The following AFG1L variants were observed in gnomAD, a reference collection of about 807,000 sequenced individuals.
The protein encoded by AFG1L is AFG1-like ATPase.
In AFG1L, 53 loss-of-function variants were observed where a neutral mutation model predicts 62.2. The ratio of observed to expected loss-of-function variants is 0.85; its 90% CI spans 0.68 to 1.07. AFG1L has a LOEUF of 1.07. Ranked by LOEUF, AFG1L falls within the 50% of genes least tolerant of loss-of-function variation. AFG1L has a pLI of 0.00. For synonymous variants in AFG1L, 228 were observed against 210.3 expected (o/e 1.08, Z -0.73); for missense variants, 555 against 590.5 (o/e 0.94, Z 0.62).
chr6:108,513,067 A>G (rs1001152628), intron 11 of AFG1L, among the ~76,000 whole-genome samples: 2 of 152,232 alleles, frequency 1.3e-5, no homozygotes, highest in Non-Finnish European at 2.9e-5. Context: ...ATTTTTAAAG[A>G]TAGCTATGAA....
At chr6:108,446,093 C>CACACAG (rs1771781934) in intron 7 of AFG1L, among the ~76,000 whole-genome samples, 1 of 114,638 alleles carries the variant, frequency 8.7e-6, no homozygotes, top group African/African-American at 3.1e-5. Context: ...CACACACACA[C>CACACAG]ACACACACAC....
intron 10 of AFG1L, among the ~76,000 whole-genome samples, chr6:108,504,069 C>G (rs1358454717): frequency 2.0e-5 from 3 of 152,358 alleles, no homozygotes; most frequent in Non-Finnish European, 2.9e-5. Context: ...CTATCTAGAC[C>G]ACTCAGACTT....
intron 10 of AFG1L, among the ~76,000 whole-genome samples, chr6:108,490,524 T>A (rs375423425): frequency 2.0e-5 from 3 of 152,264 alleles, no homozygotes; most frequent in African/African-American, 7.2e-5. Flanking sequence ...TGAAAAACTG[T>A]AAGTTGTAAA....
At chr6:108,483,891 T>C (rs1435387176) in intron 10 of AFG1L, among the ~76,000 whole-genome samples, 2 of 152,238 alleles carry the variant, frequency 1.3e-5, no homozygotes, top group Non-Finnish European at 2.9e-5. Flanking sequence ...ATCCTTAGAC[T>C]TATAAGTATA....
intron 2 of AFG1L, among the ~76,000 whole-genome samples, chr6:108,341,230 G>C (rs1173005812): frequency 6.6e-6 from 1 of 152,054 alleles, no homozygotes; most frequent in Non-Finnish European, 1.5e-5. Context: ...GGAATTTATT[G>C]AAGTTTTCTT....
At chr6:108,504,002 G>A (rs1476933720) in intron 10 of AFG1L, among the ~76,000 whole-genome samples, 3 of 152,240 alleles carry the variant, frequency 2.0e-5, no homozygotes, top group African/African-American at 7.2e-5. Context: ...AAGAGAGTCA[G>A]GGCCTTGCTC....
At chr6:108,488,519 C>G (rs916084271) in intron 10 of AFG1L, among the ~76,000 whole-genome samples, 3 of 152,074 alleles carry the variant, frequency 2.0e-5, no homozygotes, top group Non-Finnish European at 4.4e-5. Flanking sequence ...GCATCTTTAT[C>G]ATCTCTTCCT....
At chr6:108,428,309 C>T (rs1042598487) in intron 7 of AFG1L, among the ~76,000 whole-genome samples, 2 of 152,158 alleles carry the variant, frequency 1.3e-5, no homozygotes, top group African/African-American at 4.8e-5. Context: ...AGTAGCATTC[C>T]ATGGTGTATA....
rs1015884929 is a variant in AFG1L at position 108,429,223 on chromosome 6, A to T, written c.808-17991A>T. Among the ~76,000 whole-genome samples, 4 of 152,202 alleles carry T rather than the reference A, an allele frequency of 2.6e-5. No homozygotes were observed. The East Asian group carries it at 7.7e-4, about 29-fold the overall frequency. ...GTATTAGTCTGTTCTCATGCTGCTAATAAAGACATACCCGAGACTAGGTAA... is the reference window on the plus strand; with the variant it reads ...GTATTAGTCTGTTCTCATGCTGCTATTAAAGACATACCCGAGACTAGGTAA... On this transcript the variant is annotated intron_variant, in intron 7 of 12. Coordinates refer to ENST00000368977, the MANE Select transcript of AFG1L (RefSeq NM_145315.5).
At chr6:108,360,774 A>G (rs953803445) in intron 5 of AFG1L, among the ~76,000 whole-genome samples, 10 of 152,186 alleles carry the variant, frequency 6.6e-5, no homozygotes, top group Non-Finnish European at 1.5e-4. Flanking sequence ...AGTTTCTCCA[A>G]TACACCAAAA....
Position 108,323,862 on chromosome 6 carries a change from T to A in AFG1L, c.177T>A (p.Thr59=), listed in dbSNP as rs569435290. 2.4e-5 allele frequency: 38 copies of A among 1,614,066 alleles called. 1 individual carries two copies. The South Asian group carries it at 3.8e-4, about 16-fold the overall frequency. The change falls in exon 2 of 13, where the codon ACT becomes ACA. Residue 59 remains threonine, a synonymous_variant. Transcript: ENST00000368977. ...TVQTSESMTP[T]ATSETYLKAL... is the part of the protein sequence containing the mutation. ...AGACATCCGAGAGCATGACCCCAAC[T>A]GCCACTTCAGAGACTTATTTGAAAG...
At chr6:108,333,835 C>T (rs1385335164) in intron 2 of AFG1L, among the ~76,000 whole-genome samples, 1 of 152,056 alleles carries the variant, frequency 6.6e-6, no homozygotes, top group Non-Finnish European at 1.5e-5. Context: ...ATACTTAATG[C>T]TTTATTACTT....
chr6:108,479,202 G>A (rs1285735066), intron 10 of AFG1L, among the ~76,000 whole-genome samples: 1 of 152,092 alleles, frequency 6.6e-6, no homozygotes, highest in Non-Finnish European at 1.5e-5. Flanking sequence ...ATGTTGTCCA[G>A]GCTGTTCTCA....
At chr6:108,359,989 G>A (rs1404780409) in intron 5 of AFG1L, 3 of 152,186 alleles carry the variant, frequency 2.0e-5, no homozygotes, top group African/African-American at 7.2e-5. Context: ...ATAAACATTG[G>A]TAAGAAGTAC....
intron 2 of AFG1L, among the ~76,000 whole-genome samples, chr6:108,334,443 G>C (rs1262753924): frequency 6.6e-6 from 1 of 151,886 alleles, no homozygotes; most frequent in Non-Finnish European, 1.5e-5. Context: ...TGTAATCCCA[G>C]CACTTTGGGA....
intron 8 of AFG1L, among the ~76,000 whole-genome samples, chr6:108,463,957 A>G (rs1462635412): frequency 6.6e-6 from 1 of 152,184 alleles, no homozygotes; most frequent in Non-Finnish European, 1.5e-5. Flanking sequence ...TGCGCAGGCA[A>G]TCAGTAGAGT....
rs1781692941 is a variant in AFG1L, at chr6:108,402,897, T to G, written c.807+843T>G. Among the ~76,000 whole-genome samples, 4 of 152,252 alleles carry G rather than the reference T, an allele frequency of 2.6e-5. No individual in the cohort carries two copies. In the South Asian group the frequency reaches 8.3e-4, roughly 32 times the overall value. ...TGAAATTATGTCAAGTTGAGGCACA[T>G]AAATTGTTTAAATATTTGTGTGTAT... On this transcript the variant is annotated intron_variant, in intron 7 of 12. Coordinates refer to ENST00000368977, the MANE Select transcript of AFG1L (RefSeq NM_145315.5).
intron 1 of AFG1L, among the ~76,000 whole-genome samples, chr6:108,298,057 A>G (rs952582937): frequency 3.3e-5 from 5 of 152,036 alleles, no homozygotes; most frequent in East Asian, 1.9e-4. Context: ...TCTTTATTTT[A>G]TAGATGAATA....
intron 6 of AFG1L, among the ~76,000 whole-genome samples, chr6:108,375,055 G>C (rs976744153): frequency 6.6e-6 from 1 of 152,050 alleles, no homozygotes; most frequent in Non-Finnish European, 1.5e-5. Context: ...TCCTTGGTTA[G>C]ATGTATTCGT....
Sources: gnomAD v4.1 joint callset for allele counts (sites outside exome capture counted in the v4.1 genomes callset) on GRCh38, gnomAD v4.1.1 for gene constraint, MANE v1.5 for transcripts, NCBI Gene and HGNC (gene_info 2026-07-23, HGNC 2026-07-21) for gene names.